Variants in RANBP2 observed in about 807,000 individuals in gnomAD.
RANBP2 encodes the protein RAN binding protein 2, also known as E3 SUMO-protein ligase RanBP2.
A neutral mutation model predicts 303.6 loss-of-function variants in RANBP2; 57 were observed. The ratio of observed to expected loss-of-function variants is 0.19; its 90% CI spans 0.15 to 0.23. RANBP2 has a LOEUF of 0.23. Ranked by LOEUF, RANBP2 falls within the 10% of genes least tolerant of loss-of-function variation. The probability of loss-of-function intolerance (pLI) is 1.00; values close to 1 mark genes in which losing one functional copy is unlikely to be tolerated. For synonymous variants in RANBP2, 1,167 were observed against 1,301.5 expected (o/e 0.90, Z 2.23); for missense variants, 3,138 against 3,780.8 (o/e 0.83, Z 4.46).
chr2:109,667,183 C>G, the RANBP2 span: 1 of 1,323,774 alleles, frequency 7.6e-7, no homozygotes, highest in Non-Finnish European at 1.1e-6. Flanking sequence ...ATTCCAAAAG[C>G]CTTGCAGAAA....
the RANBP2 span, among the ~76,000 whole-genome samples, chr2:109,716,117 G>C: frequency 2.0e-5 from 3 of 152,088 alleles, no homozygotes; most frequent in Non-Finnish European, 4.4e-5. Context: ...GGAGAGGGTC[G>C]CATGACTGAA....
chr2:109,089,253 G>T, the RANBP2 span, among the ~76,000 whole-genome samples: 1 of 152,138 alleles, frequency 6.6e-6, no homozygotes, highest in Non-Finnish European at 1.5e-5. Flanking sequence ...AACCAACTGG[G>T]ATTTTTTTCT....
chr2:109,421,092 C>T, the RANBP2 span, among the ~76,000 whole-genome samples: 1 of 152,194 alleles, frequency 6.6e-6, no homozygotes, highest in Non-Finnish European at 1.5e-5. Flanking sequence ...TCAGGCAAAG[C>T]TGGTGCCAAG....
At chr2:109,589,877 TAAAC>T in the RANBP2 span, among the ~76,000 whole-genome samples, 1 of 152,058 alleles carries the variant, frequency 6.6e-6, no homozygotes, top group Non-Finnish European at 1.5e-5. Flanking sequence ...GGTGAATAGA[TAAAC>T]AAACTGTAGT....
chr2:109,615,071 G>T, the RANBP2 span: 9 of 1,549,338 alleles, frequency 5.8e-6, no homozygotes, highest in Middle Eastern at 1.7e-4. Flanking sequence ...CCCTTGTGGG[G>T]GCTACCGCAC....
At chr2:108,982,132 C>A in the RANBP2 span, among the ~76,000 whole-genome samples, 3 of 152,224 alleles carry the variant, frequency 2.0e-5, no homozygotes, top group African/African-American at 7.2e-5. Flanking sequence ...AGAATAGGGG[C>A]CAGGTCTTTT....
the RANBP2 span, among the ~76,000 whole-genome samples, chr2:109,678,949 C>A: frequency 2.6e-5 from 4 of 152,220 alleles, no homozygotes; most frequent in Non-Finnish European, 5.9e-5. Flanking sequence ...GCTGCCCACA[C>A]CCTGAGCTCT....
the RANBP2 span, among the ~76,000 whole-genome samples, chr2:109,209,138 G>A: frequency 1.9e-3 from 288 of 152,294 alleles, 1 homozygote; most frequent in African/African-American, 6.7e-3. Flanking sequence ...CTGGGAAGTG[G>A]GTCCAAACCC....
the RANBP2 span, among the ~76,000 whole-genome samples, chr2:109,070,288 G>A: frequency 6.6e-6 from 1 of 152,220 alleles, no homozygotes; most frequent in East Asian, 1.9e-4. Flanking sequence ...GGAATGGGAA[G>A]TCATTGAAAT....
At chr2:109,473,435 G>A in the RANBP2 span, among the ~76,000 whole-genome samples, 1 of 152,212 alleles carries the variant, frequency 6.6e-6, no homozygotes, top group Non-Finnish European at 1.5e-5. Context: ...AATGAGGTCT[G>A]AGCCCCTATT....
the RANBP2 span, among the ~76,000 whole-genome samples, chr2:108,911,753 GCCA>G: frequency 1.3e-5 from 2 of 152,050 alleles, no homozygotes; most frequent in Non-Finnish European, 2.9e-5. Context: ...ATCCAGATTT[GCCA>G]CCACCCAAAT....
the RANBP2 span, among the ~76,000 whole-genome samples, chr2:109,208,698 T>C: frequency 6.6e-6 from 1 of 150,900 alleles, no homozygotes; most frequent in Non-Finnish European, 1.5e-5. Context: ...CTGTTTTTTC[T>C]GTAATCCTGT....
the RANBP2 span, among the ~76,000 whole-genome samples, chr2:108,890,096 A>G: frequency 6.6e-6 from 1 of 150,506 alleles, no homozygotes; most frequent in Non-Finnish European, 1.5e-5. Context: ...TTTATGAAGG[A>G]TAATTTTGCT....
the RANBP2 span, chr2:109,432,440 C>G: frequency 6.3e-7 from 1 of 1,588,728 alleles, no homozygotes; most frequent in Middle Eastern, 1.7e-4. Flanking sequence ...CCAGGAATGC[C>G]GGCCGGTCCC....
At chr2:109,230,065 C>T in the RANBP2 span, among the ~76,000 whole-genome samples, 1 of 151,846 alleles carries the variant, frequency 6.6e-6, no homozygotes, top group Non-Finnish European at 1.5e-5. Flanking sequence ...ACTTCGTGAT[C>T]CGCCCGCCTC....
chr2:108,900,753 G>A, the RANBP2 span, among the ~76,000 whole-genome samples: 1 of 152,180 alleles, frequency 6.6e-6, no homozygotes, highest in Non-Finnish European at 1.5e-5. Context: ...CAAGAAGGCA[G>A]AGTGGCTATA....
the RANBP2 span, among the ~76,000 whole-genome samples, chr2:108,915,528 C>T: frequency 2.0e-5 from 3 of 152,098 alleles, no homozygotes; most frequent in African/African-American, 4.8e-5. Flanking sequence ...CTTTTTTCCT[C>T]GTGGGCCTCA....
chr2:108,853,967 AAT>A, the RANBP2 span, among the ~76,000 whole-genome samples: 3 of 112,914 alleles, frequency 2.7e-5, no homozygotes, highest in African/African-American at 1.0e-4. Flanking sequence ...TATATAATAA[AAT>A]ATATATAATA....
the RANBP2 span, among the ~76,000 whole-genome samples, chr2:109,762,342 G>A: frequency 2.0e-5 from 3 of 150,240 alleles, no homozygotes; most frequent in African/African-American, 7.3e-5. Flanking sequence ...AGAGATGTTG[G>A]TTTCTGGCGC....
Sources: gnomAD v4.1 joint callset for allele counts (sites outside exome capture counted in the v4.1 genomes callset) on GRCh38, gnomAD v4.1.1 for gene constraint, MANE v1.5 for transcripts, NCBI Gene and HGNC (gene_info 2026-07-23, HGNC 2026-07-21) for gene names.